MIA3: variants seen among roughly 807,000 people sequenced by gnomAD.
The protein encoded by MIA3 is transport and Golgi organization protein 1 homolog.
Under a neutral mutation model 192.4 loss-of-function variants are expected in MIA3, and 90 were observed. The ratio of observed to expected loss-of-function variants is 0.47; its 90% CI spans 0.39 to 0.56. MIA3 has a LOEUF of 0.56. Among genes scored for constraint, MIA3 ranks in the 20% least tolerant of loss-of-function variants. MIA3 has a pLI of 0.00. For missense variants in MIA3, 2,123 were observed against 2,269.4 expected (o/e 0.94, Z 1.31); for synonymous variants, 740 against 792.8 (o/e 0.93, Z 1.12).
Position 222,662,074 on chromosome 1 carries a change from T to C in MIA3, c.5132T>C (p.Leu1711Pro). The C allele has an allele frequency of 6.2e-7, 1 of 1,614,008 alleles. No homozygotes were observed. The highest frequency in any genetic ancestry group is 8.5e-7 in the Non-Finnish European group (1 of 1,179,876). Residue 1711 changes from leucine to proline, a missense_variant, in exon 25 of 28, where the codon CTA (leucine) becomes CCA (proline). Physicochemically the swap from Leu to Pro is moderately conservative, Grantham distance 98. Around this residue, in one of 3 missense-constraint regions of MIA3, gnomAD observed 762 missense variants for 856.4 expected, o/e 0.89. Transcript: ENST00000344922. Reference protein sequence around the residue: ...RSEFGSVDGPLPHPRWSAEAS... With the variant: ...RSEFGSVDGPPPHPRWSAEAS... ...TCTCAAGGATCAGTGGACGGGCCTC[T>C]ACCTCATCCTCGATGGTCAGCTGAG... is the stretch of plus-strand genomic sequence containing the variant.
At chr1:222,631,847 T>C (rs1662410203) in intron 4 of MIA3, among the ~76,000 whole-genome samples, 1 of 152,246 alleles carries the variant, frequency 6.6e-6, no homozygotes, top group Admixed American at 6.5e-5. Flanking sequence ...GTTTCACATT[T>C]CTGCTCTTGA....
At chr1:222,656,054 C>G (rs1663708827) in intron 18 of MIA3, among the ~76,000 whole-genome samples, 1 of 145,964 alleles carries the variant, frequency 6.9e-6, no homozygotes, top group Non-Finnish European at 1.5e-5. Context: ...ACTGCAAGCT[C>G]CGCCTCCCAG....
intron 8 of MIA3, 61 bp from the exon 9 acceptor site, chr1:222,650,231 A>C (rs780070963): frequency 7.7e-6 from 7 of 909,690 alleles, no homozygotes; most frequent in South Asian, 6.9e-5. Context: ...CTGCTGATAC[A>C]TTGGGTAATT....
chr1:222,660,338 C>T (rs749646053), intron 24 of MIA3, 24 bp downstream of exon 24: 1 of 1,596,778 alleles, frequency 6.3e-7, no homozygotes, highest in African/African-American at 1.3e-5. Flanking sequence ...TGTTTCCTTG[C>T]AATACTCTTT....
At chr1:222,645,489 T>G in intron 6 of MIA3, 65 bp from the exon 7 acceptor site, 1 of 1,451,394 alleles carries the variant, frequency 6.9e-7, no homozygotes. Flanking sequence ...TGAGTCTTTG[T>G]GACTGCTTTA....
chr1:222,645,785 A>T, intron 7 of MIA3, 100 bp downstream of exon 7: 1 of 1,037,128 alleles, frequency 9.6e-7, no homozygotes. Context: ...AACAGAAATT[A>T]ATGCTTTTAA....
At chr1:222,633,376 C>T (rs565052531) in intron 6 of MIA3, 127 bp downstream of exon 6, 1 of 794,266 alleles carries the variant, frequency 1.3e-6, no homozygotes, top group Admixed American at 3.0e-5. Flanking sequence ...TGAAGAGAGA[C>T]CCTGAAATGA....
chr1:222,633,080 G>A, intron 5 of MIA3, 24 bp from the exon 6 acceptor site: 3 of 1,571,194 alleles, frequency 1.9e-6, no homozygotes, highest in Non-Finnish European at 2.6e-6. Context: ...AGCACAAAAT[G>A]TCTATCTTTC....
intron 15 of MIA3, 66 bp from the exon 16 acceptor site, chr1:222,654,177 C>A: frequency 1.3e-6 from 2 of 1,494,270 alleles, no homozygotes; most frequent in South Asian, 1.2e-5. Context: ...TTGGGTAAAT[C>A]AAGAAAATAT....
intron 26 of MIA3, 107 bp downstream of exon 26, chr1:222,662,439 C>CA: frequency 6.4e-7 from 1 of 1,566,342 alleles, no homozygotes. Context: ...TGTACTATCT[C>CA]ATTTATTTTT....
chr1:222,653,855 G>A (rs1240727480), intron 15 of MIA3, among the ~76,000 whole-genome samples: 2 of 152,116 alleles, frequency 1.3e-5, no homozygotes, highest in Non-Finnish European at 2.9e-5. Flanking sequence ...TTACTGATGA[G>A]GAAAATGTTT....
At chr1:222,662,392 T>C in intron 26 of MIA3, 60 bp downstream of exon 26, 1 of 1,587,536 alleles carries the variant, frequency 6.3e-7, no homozygotes, top group Non-Finnish European at 8.6e-7. Flanking sequence ...TTCCTACAAC[T>C]CTCTCTTTGC....
At chr1:222,641,484 A>G (rs1297498240) in intron 6 of MIA3, 2 of 499,424 alleles carry the variant, frequency 4.0e-6, no homozygotes, top group Non-Finnish European at 7.9e-6. Context: ...CATCATTTCC[A>G]TGACAGCATG....
In MIA3 at chr1:222,627,788, G is replaced by A. The variant is rs1300158167; in HGVS notation, c.568G>A (p.Asp190Asn). The change falls in exon 4 of 28, where the codon GAT becomes AAT. Residue 190 changes from aspartate to asparagine, a missense_variant. Coordinates refer to ENST00000344922, the MANE Select transcript of MIA3 (RefSeq NM_198551.4). ...EPVEANSEESDSVFSENTEDL... is the reference protein window; with the variant it reads ...EPVEANSEESNSVFSENTEDL... ...AGTAGAAGCCAACTCAGAGGAAAGT[G>A]ATAGTGTATTCTCAGAAAACACTGA... is the stretch of plus-strand genomic sequence containing the variant. 1.2e-6 allele frequency: 2 copies of A among 1,613,750 alleles called. No individual in the cohort carries two copies. The highest frequency in any genetic ancestry group is 3.3e-5 in the Admixed American group (2 of 59,954).
chr1:222,665,364 A>G lies in MIA3; in HGVS notation c.5469A>G (p.Pro1823=). Residue 1823 remains proline (P), a synonymous_variant, in exon 28 of 28, where the codon CCA becomes CCG. Transcript: ENST00000344922. ...GLREFAPGVP[P]GRRDLPLHPR... is the part of the protein sequence containing the mutation. The stretch of plus-strand genomic sequence containing the variant: ...GAGAATTTGCACCAGGCGTTCCACC[A>G]GGAAGACGGGACCTGCCTCTCCACC... 1 of 1,614,036 alleles carries G rather than the reference A, an allele frequency of 6.2e-7. No homozygotes were observed. Among genetic ancestry groups the G allele is most frequent in the Non-Finnish European group, 8.5e-7 (1 of 1,179,968 alleles).
At position 222,658,725 on chromosome 1, in the gene MIA3, A is replaced by G; in HGVS notation, c.4611A>G (p.Lys1537=). The G allele has an allele frequency of 6.2e-7, 1 of 1,604,164 alleles. No individual in the cohort carries two copies. The highest frequency in any genetic ancestry group is 8.5e-7 in the Non-Finnish European group (1 of 1,176,424). Residue 1537 remains lysine (K), a synonymous_variant, in exon 19 of 28, where the codon AAA becomes AAG. Transcript: ENST00000344922. Reference sequence around the variant, plus strand: ...TTGACAACCAGTTTTATCTTAGGAAACTGAGTCAAGAAGAGTATGAACGGC... The same window carrying G: ...TTGACAACCAGTTTTATCTTAGGAAGCTGAGTCAAGAAGAGTATGAACGGC... ...YQQKEMALQK[K]LSQEEYERQE...
At chr1:222,634,813 A>AG (rs1226054130) in intron 6 of MIA3, among the ~76,000 whole-genome samples, 1 of 152,244 alleles carries the variant, frequency 6.6e-6, no homozygotes, top group Non-Finnish European at 1.5e-5. Flanking sequence ...TTTCAAGCCA[A>AG]GATGATTTTA....
intron 3 of MIA3, among the ~76,000 whole-genome samples, chr1:222,626,267 G>T (rs1159239679): frequency 1.3e-5 from 2 of 152,166 alleles, no homozygotes; most frequent in East Asian, 1.9e-4. Flanking sequence ...ATAGTCAATC[G>T]TATTGCCTGT....
At position 222,664,027 on chromosome 1, in the gene MIA3, T is replaced by C. The variant is rs1235789563; in HGVS notation, c.5292T>C (p.Pro1764=). 2 of 1,613,950 alleles carry C rather than the reference T, an allele frequency of 1.2e-6. No individual in the cohort carries two copies. Among genetic ancestry groups the C allele is most frequent in the African/African-American group, 2.7e-5 (2 of 74,924 alleles). Residue 1764 remains proline, a synonymous_variant, in exon 27 of 28, where the codon CCT becomes CCC. Transcript: ENST00000344922. ...KVNMAPKGPP[P]FPGVPLMSTP... ...ATATGGCTCCAAAAGGGCCCCCTCC[T>C]TTCCCAGGAGTCCCTCTCATGAGCA... is the stretch of plus-strand genomic sequence containing the variant.
Sources: allele counts gnomAD v4.1 joint callset (sites outside exome capture counted in the v4.1 genomes callset), GRCh38; gene constraint gnomAD v4.1.1; regional missense constraint gnomAD v4.1.1; transcripts MANE v1.5; gene names NCBI Gene and HGNC (gene_info 2026-07-23, HGNC 2026-07-21).